Variants in MED15 observed in about 807,000 individuals in gnomAD.
MED15 encodes mediator of RNA polymerase II transcription subunit 15.
In MED15, 41 loss-of-function variants were observed where a neutral mutation model predicts 118.7. That is an observed-to-expected ratio of 0.35 (90% CI 0.27 to 0.45). MED15 has a LOEUF of 0.45. Among genes scored for constraint, MED15 ranks in the 20% least tolerant of loss-of-function variants. The probability of loss-of-function intolerance (pLI) is 1.00; values close to 1 mark genes in which losing one functional copy is unlikely to be tolerated. For missense variants in MED15, 740 were observed against 1,025.5 expected (o/e 0.72, Z 3.80); for synonymous variants, 436 against 413.9 (o/e 1.05, Z -0.65).
intron 1 of MED15, chr22:20,522,297 C>T (rs1023350345): frequency 3.3e-5 from 5 of 152,140 alleles, no homozygotes; most frequent in African/African-American, 4.8e-5. Context: ...GTTTACGTTC[C>T]CACCAGCAAA....
Position 20,537,135 on chromosome 22 carries a change from AGCTGGTGTG to A in MED15, c.90_98del (p.Gly31_Ala33del). The A allele has an allele frequency of 6.2e-7, 1 of 1,613,844 alleles. No individual in the cohort carries two copies. Among genetic ancestry groups the A allele is most frequent in the Non-Finnish European group, 8.5e-7 (1 of 1,179,838 alleles). ...GTTTCAGCGAGGATGCCATGAGGAAAGCTGGTGTGGCACACAGTAAATCCAGCAAGGATA... is the reference window on the plus strand; with the variant it reads ...GTTTCAGCGAGGATGCCATGAGGAAAGCACACAGTAAATCCAGCAAGGATA... On this transcript the variant is annotated inframe_deletion, in exon 2 of 18. Transcript: ENST00000263205.
intron 9 of MED15, among the ~76,000 whole-genome samples, chr22:20,575,730 T>C (rs2056803249): frequency 6.6e-6 from 1 of 150,376 alleles, no homozygotes; most frequent in Admixed American, 6.6e-5. Context: ...CATTTTTTAA[T>C]GGAAAATATA....
At chr22:20,556,060 C>T (rs193285792) in intron 5 of MED15, among the ~76,000 whole-genome samples, 1 of 152,272 alleles carries the variant, frequency 6.6e-6, no homozygotes, top group Admixed American at 6.5e-5. Context: ...GTCCCATCAA[C>T]ATTTCTTAGA....
At chr22:20,521,623 C>T (rs1384048197) in intron 1 of MED15, among the ~76,000 whole-genome samples, 2 of 146,282 alleles carry the variant, frequency 1.4e-5, no homozygotes, top group Admixed American at 1.4e-4. Context: ...GTCTCCATCT[C>T]CTGACCCCGT....
chr22:20,508,591 T>C, intron 1 of MED15: 1 of 371,576 alleles, frequency 2.7e-6, no homozygotes, highest in African/African-American at 2.1e-5. Context: ...TGGGCAGGGA[T>C]GGATCTCACA....
rs2057078163 is a variant in MED15, at chr22:20,584,533, C to T, written c.1803+108C>T. 6.8e-6 allele frequency: 9 copies of T among 1,326,774 alleles called. No homozygotes were observed. In the African/African-American group the frequency reaches 7.2e-5, roughly 11 times the overall value. The allele number at this position is 1,326,774 out of a possible 1,614,324, so 82.2% of individuals were successfully genotyped here. ...TCAGGGCATCTGGGCGGGGGCCGGG[C>T]CTGACCTTGGACCCTGCCCACGAGG... On this transcript the variant is annotated intron_variant, in intron 14 of 17. Coordinates refer to ENST00000263205, the MANE Select transcript of MED15 (RefSeq NM_001003891.3).
chr22:20,523,888 G>T lies in MED15; in HGVS notation c.69-13229G>T, dbSNP rs111726367. The stretch of plus-strand genomic sequence containing the variant: ...CTTTCAATGATCTTGTTTACTGGGA[G>T]TTGAGAGACCTTGAGGATAGAGGCA... On this transcript the variant is annotated intron_variant, in intron 1 of 17. Transcript: ENST00000263205. 3,001 of 968,980 alleles carry T rather than the reference G, an allele frequency of 3.1e-3. 6 individuals carry two copies. The highest frequency in any genetic ancestry group is 3.3e-3 in the Non-Finnish European group (2,665 of 815,060). 60.0% of individuals were successfully genotyped at this position (968,980 alleles called of 1,614,324 possible).
At chr22:20,565,099 T>G (rs2146585558) in intron 6 of MED15, among the ~76,000 whole-genome samples, 1 of 152,292 alleles carries the variant, frequency 6.6e-6, no homozygotes, top group South Asian at 2.1e-4. Context: ...CGCTCCAGCC[T>G]GGGCAGCAGT....
At chr22:20,579,564 G>A (rs1225462293) in intron 9 of MED15, among the ~76,000 whole-genome samples, 1 of 152,104 alleles carries the variant, frequency 6.6e-6, no homozygotes, top group Non-Finnish European at 1.5e-5. Flanking sequence ...AGTGCCGCCA[G>A]CCTTGCCTGA....
At chr22:20,558,126 C>CATGT (rs2056092252) in intron 5 of MED15, among the ~76,000 whole-genome samples, 1 of 152,004 alleles carries the variant, frequency 6.6e-6, no homozygotes, top group Non-Finnish European at 1.5e-5. Flanking sequence ...GAAAAAGTTA[C>CATGT]AGTGGATTCT....
At chr22:20,578,294 A>G (rs1277973119) in intron 9 of MED15, among the ~76,000 whole-genome samples, 3 of 152,212 alleles carry the variant, frequency 2.0e-5, no homozygotes, top group Non-Finnish European at 4.4e-5. Flanking sequence ...GAAGGAGTTG[A>G]GGGAGGGAGA....
At chr22:20,578,286 A>G (rs1601632847) in intron 9 of MED15, among the ~76,000 whole-genome samples, 1 of 152,338 alleles carries the variant, frequency 6.6e-6, no homozygotes, top group East Asian at 1.9e-4. Flanking sequence ...GGAAACTGGA[A>G]GGAGTTGAGG....
chr22:20,530,590 G>T (rs1456052184), intron 1 of MED15, among the ~76,000 whole-genome samples: 2 of 152,066 alleles, frequency 1.3e-5, no homozygotes, highest in Non-Finnish European at 2.9e-5. Context: ...GGGGAGCAGT[G>T]GTAAAGAGGG....
intron 2 of MED15, among the ~76,000 whole-genome samples, chr22:20,541,462 C>T (rs1218820932): frequency 2.0e-5 from 3 of 152,042 alleles, no homozygotes; most frequent in East Asian, 1.9e-4. Flanking sequence ...CAATAATAAG[C>T]GTTGGCAAAG....
intron 7 of MED15, among the ~76,000 whole-genome samples, chr22:20,568,102 G>C (rs937562563): frequency 4.6e-5 from 7 of 152,198 alleles, no homozygotes; most frequent in African/African-American, 1.4e-4. Flanking sequence ...TGGCCTCCCA[G>C]AATGCTGAGA....
At chr22:20,560,340 C>T (rs148167389) in intron 5 of MED15, among the ~76,000 whole-genome samples, 5,514 of 152,188 alleles carry the variant, frequency 0.036, 307 homozygotes, top group African/African-American at 0.13. Context: ...TGTCGGCCCA[C>T]TGCAACCTCG....
At chr22:20,556,080 G>A (rs1245075858) in intron 5 of MED15, among the ~76,000 whole-genome samples, 1 of 152,078 alleles carries the variant, frequency 6.6e-6, no homozygotes, top group African/African-American at 2.4e-5. Context: ...AGTGTGCTGT[G>A]CCCACTGCAA....
chr22:20,564,804 G>C (rs570500598), intron 6 of MED15, 116 bp downstream of exon 6: 4 of 1,514,104 alleles, frequency 2.6e-6, no homozygotes, highest in Non-Finnish European at 3.6e-6. Flanking sequence ...CTCTTGACAC[G>C]TGTGCCTGCC....
At chr22:20,550,931 A>C (rs1190943129) in intron 2 of MED15, 1 of 352,110 alleles carries the variant, frequency 2.8e-6, no homozygotes, top group Non-Finnish European at 5.6e-6. Context: ...CGGAAAGCGC[A>C]GCCAGGGGAG....
Sources: allele counts gnomAD v4.1 joint callset (sites outside exome capture counted in the v4.1 genomes callset), GRCh38; gene constraint gnomAD v4.1.1; transcripts MANE v1.5; gene names NCBI Gene and HGNC (gene_info 2026-07-23, HGNC 2026-07-21).